Variants in COL24A1 observed in about 807,000 individuals in gnomAD.
The protein encoded by COL24A1 is collagen type XXIV alpha 1 chain.
A neutral mutation model predicts 253.9 loss-of-function variants in COL24A1; 224 were observed. That is an observed-to-expected ratio of 0.88 (90% CI 0.79 to 0.99). The LOEUF (loss-of-function observed/expected upper bound fraction) is 0.99, where lower values mean the gene tolerates loss of function less well. COL24A1 is among the 50% of genes least tolerant of loss of function. The pLI, the probability that COL24A1 is intolerant of heterozygous loss-of-function variation, is 0.00. For synonymous variants in COL24A1, 685 were observed against 673.7 expected (o/e 1.02, Z -0.26); for missense variants, 2,131 against 2,068.5 (o/e 1.03, Z -0.59).
chr1:86,143,991 C>T (rs1651516195), intron 2 of COL24A1, among the ~76,000 whole-genome samples: 1 of 152,084 alleles, frequency 6.6e-6, no homozygotes, highest in South Asian at 2.1e-4. Context: ...TTACAAATTG[C>T]ATCGTGCCAA....
At position 85,876,182 on chromosome 1, in the gene COL24A1, T is replaced by C. The variant is rs529803330; in HGVS notation, c.3031-852A>G. ...GGAATTATAGGAGTTGGAGGAGACA[T>C]GGCATGAGAGTGTAGGGGCTATTAC... is the stretch of plus-strand genomic sequence containing the variant. On this transcript the variant is annotated intron_variant, in intron 33 of 59. Transcript: ENST00000370571. 5.3e-4 allele frequency among the ~76,000 whole-genome samples: 81 copies of C among 151,990 alleles called. No homozygotes were observed. The Middle Eastern group carries it at 0.014, about 26-fold the overall frequency.
chr1:85,873,924 G>A (rs1403414779), intron 35 of COL24A1, among the ~76,000 whole-genome samples: 1 of 151,964 alleles, frequency 6.6e-6, no homozygotes, highest in African/African-American at 2.4e-5. Context: ...AGCTATTAAA[G>A]TAGGACTGGC....
At chr1:86,123,372 A>G (rs1327777969) in intron 3 of COL24A1, among the ~76,000 whole-genome samples, 1 of 151,970 alleles carries the variant, frequency 6.6e-6, no homozygotes, top group Non-Finnish European at 1.5e-5. Context: ...TCTCTAGCCC[A>G]TACACTTACT....
At chr1:85,731,769 A>T (rs916435621) in intron 59 of COL24A1, among the ~76,000 whole-genome samples, 6 of 152,224 alleles carry the variant, frequency 3.9e-5, no homozygotes, top group South Asian at 2.1e-4. Flanking sequence ...AGTACAATGT[A>T]AAAAATGTAG....
chr1:85,920,716 C>A (rs548516041), intron 24 of COL24A1, among the ~76,000 whole-genome samples: 138 of 150,824 alleles, frequency 9.1e-4, no homozygotes, highest in African/African-American at 3.1e-3. Context: ...TAAAAAAAAA[C>A]AGTAAGCTCA....
chr1:86,142,900 T>A (rs1273021016), intron 2 of COL24A1, among the ~76,000 whole-genome samples: 1 of 152,076 alleles, frequency 6.6e-6, no homozygotes, highest in Non-Finnish European at 1.5e-5. Flanking sequence ...TAGATGATCT[T>A]AAGGGATTAA....
chr1:85,963,782 A>G (rs752297707), intron 23 of COL24A1, among the ~76,000 whole-genome samples: 5 of 152,192 alleles, frequency 3.3e-5, no homozygotes, highest in African/African-American at 4.8e-5. Context: ...GAGAAAGTAT[A>G]TACATAAATG....
At chr1:85,756,960 G>A (rs779855424) in intron 55 of COL24A1, among the ~76,000 whole-genome samples, 10 of 152,198 alleles carry the variant, frequency 6.6e-5, no homozygotes, top group Non-Finnish European at 1.0e-4. Flanking sequence ...GTCACAAAAA[G>A]ACAAATATTG....
chr1:85,911,181 C>G (rs1048538606), intron 25 of COL24A1, among the ~76,000 whole-genome samples, 199 bp downstream of exon 25: 1 of 151,876 alleles, frequency 6.6e-6, no homozygotes, highest in Non-Finnish European at 1.5e-5. Context: ...TCTTTATAAT[C>G]AAAAGGGTAC....
intron 43 of COL24A1, among the ~76,000 whole-genome samples, chr1:85,832,243 G>A (rs1675381105): frequency 6.6e-6 from 1 of 151,998 alleles, no homozygotes; most frequent in Non-Finnish European, 1.5e-5. Context: ...TTGTAGATAT[G>A]TGGCATTATT....
Position 86,050,154 on chromosome 1 carries a change from T to C in COL24A1, c.1875A>G (p.Glu625=), listed in dbSNP as rs1475862041. ...CTCCTTCAGGTCCCAGTTGTCCCGC[T>C]TCTCCAGGAGAGCCAATAAAACCCT... ...GAQGFIGSPG[E]AGQLGPEGER... The change falls in exon 11 of 60, where the codon GAA becomes GAG. Residue 625 remains glutamate, a synonymous_variant. Transcript: ENST00000370571. 6 of 1,613,416 alleles carry C rather than the reference T, an allele frequency of 3.7e-6. No homozygotes were observed. Among genetic ancestry groups the C allele is most frequent in the Middle Eastern group, 1.6e-4 (1 of 6,080 alleles).
chr1:85,935,674 T>G (rs1210823129), intron 24 of COL24A1, among the ~76,000 whole-genome samples: 1 of 147,266 alleles, frequency 6.8e-6, no homozygotes, highest in Admixed American at 6.8e-5. Context: ...GCAGTAGGCA[T>G]AAGGGATACA....
chr1:85,761,253 G>T, intron 55 of COL24A1, 143 bp downstream of exon 55: 1 of 830,824 alleles, frequency 1.2e-6, no homozygotes. Context: ...GTGTAGCTGG[G>T]CCAGCCCTGT....
chr1:86,122,986 G>A (rs1478439006), intron 3 of COL24A1, among the ~76,000 whole-genome samples: 1 of 152,000 alleles, frequency 6.6e-6, no homozygotes, highest in Non-Finnish European at 1.5e-5. Flanking sequence ...CTGCTTTAGA[G>A]GAAGAAAACC....
chr1:85,881,195 G>C (rs1016306013), intron 32 of COL24A1, among the ~76,000 whole-genome samples: 2 of 152,168 alleles, frequency 1.3e-5, no homozygotes, highest in African/African-American at 4.8e-5. Flanking sequence ...GGTTATTAGT[G>C]ATTGATTCTA....
intron 31 of COL24A1, among the ~76,000 whole-genome samples, chr1:85,892,586 T>C (rs562744466): frequency 1.8e-4 from 28 of 152,046 alleles, no homozygotes; most frequent in Non-Finnish European, 2.8e-4. Context: ...TTTTCCCCAT[T>C]AAACATCTCT....
Position 85,756,676 on chromosome 1 carries a change from T to C in COL24A1, c.4437+4720A>G, listed in dbSNP as rs186648401. Among the ~76,000 whole-genome samples the C allele has an allele frequency of 3.3e-5, 5 of 152,256 alleles. No homozygotes were observed. In the East Asian group the frequency reaches 7.7e-4, roughly 24 times the overall value. ...ATGGCAGTTTCTCAAAAATTAGACATAGAATTACTACATGATACAACAGTT... is the reference window on the plus strand; with the variant it reads ...ATGGCAGTTTCTCAAAAATTAGACACAGAATTACTACATGATACAACAGTT... On this transcript the variant is annotated intron_variant, in intron 55 of 59. Transcript: ENST00000370571.
chr1:85,813,847 G>C (rs1326211933), intron 47 of COL24A1, among the ~76,000 whole-genome samples: 3 of 152,048 alleles, frequency 2.0e-5, no homozygotes, highest in African/African-American at 7.2e-5. Context: ...CACCGCGCCC[G>C]GCCTCATTCA....
At chr1:85,987,103 A>G (rs1048076949) in intron 20 of COL24A1, among the ~76,000 whole-genome samples, 1 of 151,888 alleles carries the variant, frequency 6.6e-6, no homozygotes, top group Non-Finnish European at 1.5e-5. Context: ...ATAAATTAGT[A>G]TGTGAGTCAT....
Sources: gnomAD v4.1 joint callset for allele counts (sites outside exome capture counted in the v4.1 genomes callset) on GRCh38, gnomAD v4.1.1 for gene constraint, MANE v1.5 for transcripts, NCBI Gene and HGNC (gene_info 2026-07-23, HGNC 2026-07-21) for gene names.